Variants in GSE1 observed in about 807,000 individuals in gnomAD.
The protein encoded by GSE1 is Gse1 coiled-coil protein, also known as genetic suppressor element 1.
In GSE1, 32 loss-of-function variants were observed where a neutral mutation model predicts 112.6. The ratio of observed to expected loss-of-function variants is 0.28; its 90% CI spans 0.21 to 0.38. GSE1 has a LOEUF of 0.38. Ranked by LOEUF, GSE1 falls within the 10% of genes least tolerant of loss-of-function variation. The pLI is 1.00. For synonymous variants in GSE1, 1,115 were observed against 735.6 expected (o/e 1.52, Z -8.35); for missense variants, 2,348 against 1,699.2 (o/e 1.38, Z -6.71).
chr16:85,655,076 G>C (rs1430745889), intron 5 of GSE1, 85 bp downstream of exon 5: 2 of 890,898 alleles, frequency 2.2e-6, no homozygotes, highest in Non-Finnish European at 3.6e-6. Context: ...TGTTTCTTAT[G>C]ACCTGAGAGC....
rs918475415 is a variant in GSE1, at chr16:85,311,679, C to T, written c.2284-45784C>T. ...CTGGGCCTGGTGGCTCTGTCTGTGG[C>T]TCTCTTGGGGCCCTGGATACCTCCT... On this transcript the variant is annotated intron_variant, in intron 1 of 2. Transcript: ENST00000637419. The surrounding 1 kb of genome is among the most constrained non-coding windows in gnomAD (Gnocchi z 4.2). Among the ~76,000 whole-genome samples, 5 of 152,154 alleles carry T rather than the reference C, an allele frequency of 3.3e-5. No individual in the cohort carries two copies. The highest frequency in any genetic ancestry group is 1.5e-5 in the Non-Finnish European group (1 of 68,000).
At chr16:85,229,812 T>G (rs2075551117) in intron 1 of GSE1, among the ~76,000 whole-genome samples, 1 of 152,206 alleles carries the variant, frequency 6.6e-6, no homozygotes, top group Non-Finnish European at 1.5e-5. Context: ...CCTTTTCTCA[T>G]GGTTGCGAGA....
chr16:85,662,905 C>T (rs2052547496), intron 9 of GSE1, 76 bp from the exon 10 acceptor site: 2 of 1,026,306 alleles, frequency 1.9e-6, no homozygotes, highest in Non-Finnish European at 3.0e-6. Flanking sequence ...GCTCTGCACA[C>T]ATGAGGCCCT....
At chr16:85,354,755 T>G (rs1193341625) in intron 1 of GSE1, among the ~76,000 whole-genome samples, 1 of 152,236 alleles carries the variant, frequency 6.6e-6, no homozygotes, top group Non-Finnish European at 1.5e-5. Context: ...CAGGAGCCTC[T>G]GGGGCTGGCT....
chr16:85,641,171 C>T (rs1024431942), intron 2 of GSE1, among the ~76,000 whole-genome samples: 2 of 152,236 alleles, frequency 1.3e-5, no homozygotes, highest in African/African-American at 2.4e-5. Flanking sequence ...CCCCTGTGCC[C>T]GTTTCTTCTT....
intron 2 of GSE1, among the ~76,000 whole-genome samples, chr16:85,361,807 G>A (rs1027135645): frequency 8.5e-5 from 13 of 152,322 alleles, no homozygotes; most frequent in African/African-American, 2.9e-4. Context: ...GGGGTTGTGT[G>A]TGTTGTGGAA....
chr16:85,203,765 T>C (rs4445890), intron 1 of GSE1, among the ~76,000 whole-genome samples: 13,396 of 152,232 alleles, frequency 0.088, 692 homozygotes, highest in East Asian at 0.14. Flanking sequence ...TGAGACAGGG[T>C]CTCACTCTGT....
intron 2 of GSE1, among the ~76,000 whole-genome samples, chr16:85,384,202 C>G (rs2047632746): frequency 6.6e-6 from 1 of 152,228 alleles, no homozygotes; most frequent in Non-Finnish European, 1.5e-5. Context: ...GACTGCCCAG[C>G]CCAGGCTTCC....
upstream of GSE1, among the ~76,000 whole-genome samples, chr16:85,608,570 A>C (rs193126028): frequency 2.6e-4 from 39 of 152,314 alleles, no homozygotes; most frequent in African/African-American, 9.4e-4. Context: ...CAGAGTGACC[A>C]TGGCAGGTGG....
At position 85,673,453 on chromosome 16, in the gene GSE1, GTTTGTTGTTTTGGTTTTT is replaced by G. The variant is rs1455490731; in HGVS notation, c.*919_*936del. The G allele has an allele frequency of 5.0e-5, 6 of 119,230 alleles. No homozygotes were observed. The highest frequency in any genetic ancestry group is 2.0e-4 in the African/African-American group (6 of 30,716). The allele number at this position is 119,230 out of a possible 1,614,324, so 7.4% of individuals were successfully genotyped here. On this transcript the variant is annotated 3_prime_UTR_variant, in exon 16 of 16. Transcript: ENST00000253458. ...TTTGTTTTTCCTGTTTGGGGGTTTT[GTTTGTTGTTTTGGTTTTT>G]TTTGGGCAAAAAAAAAAAAAAAACC...
At chr16:85,254,636 G>A (rs73251982) in intron 1 of GSE1, among the ~76,000 whole-genome samples, 6,496 of 152,196 alleles carry the variant, frequency 0.043, 249 homozygotes, top group African/African-American at 0.083. Flanking sequence ...CTCGCGCCTC[G>A]CTCGCTCTGA....
rs1403879283 is a variant in GSE1 at position 85,654,747 on chromosome 16, G to A, written c.600-47G>A. On this transcript the variant is annotated intron_variant, in intron 4 of 15. Coordinates refer to ENST00000253458, the MANE Select transcript of GSE1 (RefSeq NM_014615.5). ...TTAGCCGTCCCCCCATGCAGGAGCA[G>A]GTGTGCACTCACCTGTCCCCACCTT... The A allele has an allele frequency of 7.5e-6, 9 of 1,201,284 alleles. No individual in the cohort carries two copies. The South Asian group carries it at 8.7e-5, about 12-fold the overall frequency. 74.4% of individuals were successfully genotyped at this position (1,201,284 alleles called of 1,614,324 possible). A position where few individuals can be genotyped will look rare whatever the true frequency, so the allele number is the denominator to read the frequency against.
At chr16:85,645,813 C>T (rs181357036) in intron 2 of GSE1, among the ~76,000 whole-genome samples, 12 of 152,174 alleles carry the variant, frequency 7.9e-5, no homozygotes, top group Admixed American at 4.6e-4. Context: ...GCTTCTACCA[C>T]GCATTCTACC....
chr16:85,639,771 C>T (rs569751919), intron 2 of GSE1, among the ~76,000 whole-genome samples: 6 of 152,362 alleles, frequency 3.9e-5, no homozygotes, highest in East Asian at 3.9e-4. Flanking sequence ...TGCTGTGTGA[C>T]GAAGCCAGGG....
At chr16:85,309,429 G>A (rs2151477977) in intron 1 of GSE1, among the ~76,000 whole-genome samples, 1 of 152,228 alleles carries the variant, frequency 6.6e-6, no homozygotes. Flanking sequence ...AGGAGTTTGA[G>A]GCTGCCATGA....
chr16:85,633,952 C>G lies in GSE1; in HGVS notation c.46C>G (p.Leu16Val). The G allele has an allele frequency of 1.2e-6, 2 of 1,612,888 alleles. No homozygotes were observed. Among genetic ancestry groups the G allele is most frequent in the Non-Finnish European group, 1.7e-6 (2 of 1,179,634 alleles). The change falls in exon 2 of 16, where the codon CTT becomes GTT. Residue 16 changes from leucine to valine, a missense_variant. Transcript: ENST00000253458. Reference sequence around the variant, plus strand: ...GCCCAAGTCCCCTTCGCTAGGGATGCTTTCCACCGCGACCAGGACCACCGC... The same window carrying G: ...GCCCAAGTCCCCTTCGCTAGGGATGGTTTCCACCGCGACCAGGACCACCGC... ...HEPKSPSLGM[L>V]STATRTTATV...
At chr16:85,387,577 C>T (rs1286275314) in intron 2 of GSE1, among the ~76,000 whole-genome samples, 1 of 152,280 alleles carries the variant, frequency 6.6e-6, no homozygotes, top group African/African-American at 2.4e-5. Flanking sequence ...CCCTCTCCTC[C>T]AGGACATCAC....
intron 2 of GSE1, among the ~76,000 whole-genome samples, chr16:85,528,194 G>A (rs1312389025): frequency 6.6e-6 from 1 of 152,254 alleles, no homozygotes; most frequent in African/African-American, 2.4e-5. Flanking sequence ...GTGCAATGAG[G>A]GCCTCGAACA....
chr16:85,498,424 C>T (rs549134870), intron 2 of GSE1, among the ~76,000 whole-genome samples: 1 of 152,094 alleles, frequency 6.6e-6, no homozygotes, highest in African/African-American at 2.4e-5. Context: ...CACACAGACA[C>T]ACACGGACAC....
Sources: allele counts gnomAD v4.1 joint callset (sites outside exome capture counted in the v4.1 genomes callset), GRCh38; gene constraint gnomAD v4.1.1; non-coding constraint Gnocchi (gnomAD v3.1); transcripts MANE v1.5; gene names NCBI Gene and HGNC (gene_info 2026-07-23, HGNC 2026-07-21).